Variants in GET4 observed in about 807,000 individuals in gnomAD.
GET4 encodes the protein Golgi to ER traffic protein 4 homolog.
In GET4, 20 loss-of-function variants were observed where a neutral mutation model predicts 40.0. The observed-to-expected ratio is 0.50, with a 90% CI of 0.35 to 0.73. The LOEUF (loss-of-function observed/expected upper bound fraction) is 0.73, where lower values mean the gene tolerates loss of function less well. GET4 is among the 30% of genes least tolerant of loss of function. The probability of loss-of-function intolerance (pLI) is 0.01; values close to 1 mark genes in which losing one functional copy is unlikely to be tolerated. For synonymous variants in GET4, 280 were observed against 194.6 expected (o/e 1.44, Z -3.65); for missense variants, 557 against 454.0 (o/e 1.23, Z -2.06).
At chr7:895,228 T>C in intron 8 of GET4, 106 bp from the exon 9 acceptor site, 1 of 630,280 alleles carries the variant, frequency 1.6e-6, no homozygotes, top group Non-Finnish European at 2.9e-6. Flanking sequence ...CTTTTGCTTG[T>C]TCCATGGGAC....
chr7:894,602 AC>A (rs988978634), intron 8 of GET4, among the ~76,000 whole-genome samples: 2 of 151,316 alleles, frequency 1.3e-5, no homozygotes, highest in Non-Finnish European at 2.9e-5. Flanking sequence ...AGGCACCTCC[AC>A]CCCAACACCC....
chr7:892,751 G>T (rs562879017), intron 6 of GET4, among the ~76,000 whole-genome samples: 139 of 151,540 alleles, frequency 9.2e-4, no homozygotes, highest in Middle Eastern at 3.4e-3. Flanking sequence ...TTGTGTGCGG[G>T]TGTTGGGTAT....
chr7:883,053 T>C (rs1231479370), intron 1 of GET4: 1 of 152,220 alleles, frequency 6.6e-6, no homozygotes, highest in Admixed American at 6.5e-5. Flanking sequence ...AGGAAAACGG[T>C]CTAGTGTGTG....
Position 892,410 on chromosome 7 carries a change from T to C in GET4, c.738T>C (p.Ala246=). Residue 246 remains alanine (A), a synonymous_variant, in exon 6 of 9, where the codon GCT becomes GCC. Transcript: ENST00000265857. ...ACTTCATCTGGTTCCTGCTGCTGGC[T>C]GTGGACGGGTGCGTCTTGGGATCCT... ...LLNFIWFLLL[A]VDGGKLTVFT... 6.3e-7 allele frequency: 1 copy of C among 1,587,280 alleles called. No individual in the cohort carries two copies. The highest frequency in any genetic ancestry group is 8.6e-7 in the Non-Finnish European group (1 of 1,158,506).
rs765938144 is a variant in GET4, at chr7:876,663, G to A, written c.18G>A (p.Ala6=). 1.5e-6 allele frequency: 2 copies of A among 1,294,076 alleles called. No individual in the cohort carries two copies. Among genetic ancestry groups the A allele is most frequent in the South Asian group, 1.9e-5 (1 of 51,384 alleles). The allele number at this position is 1,294,076 out of a possible 1,614,324, so 80.2% of individuals were successfully genotyped here. The change falls in exon 1 of 9, where the codon GCG becomes GCA. Residue 6 remains alanine (A), a synonymous_variant. Transcript: ENST00000265857. ...CCGGCCCGATGGCGGCGGCGGCGGC[G>A]ATGGCCGAGCAGGAGAGCGCCCGGA... MAAAA[A]MAEQESARNG...
At chr7:884,298 G>C in intron 1 of GET4, 1 of 1,304,056 alleles carries the variant, frequency 7.7e-7, no homozygotes, top group Non-Finnish European at 1.0e-6. Flanking sequence ...GACGGCTCCC[G>C]GCCTCCTCTG....
At chr7:880,871 T>G (rs758785393) in intron 1 of GET4, 1 of 152,238 alleles carries the variant, frequency 6.6e-6, no homozygotes, top group African/African-American at 2.4e-5. Context: ...CAAGTTACGC[T>G]TTTTGTTTTT....
rs1467710004 is a variant in GET4 at position 876,805 on chromosome 7, C to T, written c.155+5C>T. 3.3e-6 allele frequency: 4 copies of T among 1,196,752 alleles called. No homozygotes were observed. The African/African-American group carries it at 4.9e-5, about 15-fold the overall frequency. The allele number at this position is 1,196,752 out of a possible 1,614,324, so 74.1% of individuals were successfully genotyped here. On this transcript the variant is annotated splice_donor_5th_base_variant and intron_variant, in intron 1 of 8. Transcript: ENST00000265857. ...GTACCGGACCCTGTTCTTCAGGTACCCGCGCCCGGCCCTCGCCGCAGCCCA... is the reference window on the plus strand; with the variant it reads ...GTACCGGACCCTGTTCTTCAGGTACTCGCGCCCGGCCCTCGCCGCAGCCCA...
chr7:894,965 C>G lies in GET4; in HGVS notation c.896-369C>G, dbSNP rs911034022. On this transcript the variant is annotated intron_variant, in intron 8 of 8. Coordinates refer to ENST00000265857, the MANE Select transcript of GET4 (RefSeq NM_015949.3). ...CAGTGTGCTCTACAGCCCCACTTCT[C>G]TGCTCAAAAATCTCTTTCCGTGAGG... 5.3e-5 allele frequency among the ~76,000 whole-genome samples: 8 copies of G among 152,274 alleles called. No homozygotes were observed. In the East Asian group the frequency reaches 1.4e-3, roughly 26 times the overall value.
In GET4 at chr7:876,610, T is replaced by G. The variant is rs1843940916; in HGVS notation, c.-36T>G. The G allele has an allele frequency of 4.3e-6, 5 of 1,167,438 alleles. No individual in the cohort carries two copies. The highest frequency in any genetic ancestry group is 4.2e-5 in the South Asian group (1 of 24,070). 72.3% of individuals were successfully genotyped at this position (1,167,438 alleles called of 1,614,324 possible). ...GCCGGGAGGCGCTGCCGACCGCGCC[T>G]GCGACAGCGTCAGCCCTGCGCGGAG... On this transcript the variant is annotated 5_prime_UTR_variant, in exon 1 of 9. Coordinates refer to ENST00000265857, the MANE Select transcript of GET4 (RefSeq NM_015949.3).
intron 4 of GET4, 69 bp from the exon 5 acceptor site, chr7:890,840 TAGAATTAACATGGAGTGTC>T: frequency 9.0e-7 from 1 of 1,108,940 alleles, no homozygotes; most frequent in Middle Eastern, 2.0e-4. Flanking sequence ...GCAGGTGGGC[TAGAATTAACATGGAGTGTC>T]TTTCCCCCTT....
intron 1 of GET4, chr7:881,506 C>T (rs1844086561): frequency 6.6e-6 from 1 of 152,366 alleles, no homozygotes; most frequent in Admixed American, 6.5e-5. Context: ...GGAGCGTCCG[C>T]AGTTCCTTTT....
chr7:893,293 G>A (rs1844378297), intron 6 of GET4, among the ~76,000 whole-genome samples: 1 of 135,196 alleles, frequency 7.4e-6, no homozygotes, highest in Non-Finnish European at 1.6e-5. Flanking sequence ...GTGAGTGTTG[G>A]GCGCGGGCGC....
chr7:895,680 C>G lies in GET4; in HGVS notation c.*258C>G, dbSNP rs1358281778. The stretch of plus-strand genomic sequence containing the variant: ...GATTGACCCACAATAAAGCACAGGC[C>G]TTACCGCGGCGTCACCCTCTCCCAC... On this transcript the variant is annotated 3_prime_UTR_variant, in exon 9 of 9. Coordinates refer to ENST00000265857, the MANE Select transcript of GET4 (RefSeq NM_015949.3). 1 of 320,636 alleles carries G rather than the reference C, an allele frequency of 3.1e-6. No individual in the cohort carries two copies. The highest frequency in any genetic ancestry group is 5.8e-6 in the Non-Finnish European group (1 of 173,032). The allele number at this position is 320,636 out of a possible 1,614,324, so 19.9% of individuals were successfully genotyped here.
intron 1 of GET4, chr7:884,081 G>A: frequency 2.5e-6 from 3 of 1,192,320 alleles, no homozygotes; most frequent in African/African-American, 1.6e-5. Context: ...TGCCTTCCAG[G>A]GAGTCCTTTT....
intron 4 of GET4, 78 bp from the exon 5 acceptor site, chr7:890,850 A>G (rs1844305687): frequency 8.5e-7 from 1 of 1,179,832 alleles, no homozygotes; most frequent in Admixed American, 1.7e-5. Context: ...TAGAATTAAC[A>G]TGGAGTGTCT....
In GET4 at chr7:884,539, C is replaced by T. The variant is rs188429642; in HGVS notation, c.156-1517C>T. ...CTCCTGGTGCCCTGCCTCTGTGCAGCACGAAGCGGTCTCCTGTGGGGGGAG... is the reference window on the plus strand; with the variant it reads ...CTCCTGGTGCCCTGCCTCTGTGCAGTACGAAGCGGTCTCCTGTGGGGGGAG... On this transcript the variant is annotated intron_variant, in intron 1 of 8. Transcript: ENST00000265857. 2,807 of 363,434 alleles carry T rather than the reference C, an allele frequency of 7.7e-3. 37 individuals are homozygous for T. Among genetic ancestry groups the T allele is most frequent in the South Asian group, 0.023 (1,036 of 45,130 alleles). The allele number at this position is 363,434 out of a possible 1,614,324, so 22.5% of individuals were successfully genotyped here.
Position 895,652 on chromosome 7 carries a change from C to T in GET4, c.*230C>T, listed in dbSNP as rs191433135. 64 of 406,830 alleles carry T rather than the reference C, an allele frequency of 1.6e-4. No individual in the cohort carries two copies. Among genetic ancestry groups the T allele is most frequent in the South Asian group, 3.6e-4 (9 of 24,806 alleles). The allele number at this position is 406,830 out of a possible 1,614,324, so 25.2% of individuals were successfully genotyped here. A position where few individuals can be genotyped will look rare whatever the true frequency, so the allele number is the denominator to read the frequency against. The stretch of plus-strand genomic sequence containing the variant: ...CGCCCCTGCTGGCCGCCGCGTCCCC[C>T]GAGATTGACCCACAATAAAGCACAG... On this transcript the variant is annotated 3_prime_UTR_variant, in exon 9 of 9. Transcript: ENST00000265857.
chr7:885,102 A>G (rs1844160859), intron 1 of GET4: 1 of 152,172 alleles, frequency 6.6e-6, no homozygotes, highest in Non-Finnish European at 1.5e-5. Flanking sequence ...TTTACTTAGT[A>G]TTTTTCTTTA....
Sources: allele counts gnomAD v4.1 joint callset (sites outside exome capture counted in the v4.1 genomes callset), GRCh38; gene constraint gnomAD v4.1.1; transcripts MANE v1.5; gene names NCBI Gene and HGNC (gene_info 2026-07-23, HGNC 2026-07-21).